The following NALCN variants were observed in gnomAD, a reference collection of about 807,000 sequenced individuals.
The protein encoded by NALCN is sodium leak channel NALCN.
In NALCN, 111 loss-of-function variants were observed where a neutral mutation model predicts 225.3. That is an observed-to-expected ratio of 0.49 (90% CI 0.42 to 0.58). The LOEUF (loss-of-function observed/expected upper bound fraction) is 0.58, where lower values mean the gene tolerates loss of function less well. Among genes scored for constraint, NALCN ranks in the 20% least tolerant of loss-of-function variants. NALCN has a pLI of 0.00. For missense variants in NALCN, 1,378 were observed against 2,202.4 expected, an observed-to-expected ratio of 0.63 and a Z score of 7.49; for synonymous variants, 764 against 769.0, an observed-to-expected ratio of 0.99 and a Z score of 0.11.
intron 10 of NALCN, among the ~76,000 whole-genome samples, chr13:101,280,752 T>A (rs1381924377): frequency 1.3e-5 from 2 of 152,174 alleles, no homozygotes; most frequent in Non-Finnish European, 2.9e-5. Context: ...TTGAATGTAA[T>A]TCACATCCCT....
chr13:101,148,498 G>T (rs912303682), intron 15 of NALCN, among the ~76,000 whole-genome samples: 3 of 152,130 alleles, frequency 2.0e-5, no homozygotes, highest in African/African-American at 7.2e-5. Context: ...TCCAAAGATG[G>T]TCTCATTCTG....
At chr13:101,133,171 A>G (rs558540289) in intron 17 of NALCN, among the ~76,000 whole-genome samples, 45 of 152,348 alleles carry the variant, frequency 3.0e-4, no homozygotes, top group Middle Eastern at 3.4e-3. Context: ...CAATGCTTAG[A>G]CCTAAAGAAC....
intron 11 of NALCN, among the ~76,000 whole-genome samples, chr13:101,252,780 G>A (rs1037069033): frequency 6.6e-6 from 1 of 152,148 alleles, no homozygotes; most frequent in African/African-American, 2.4e-5. Flanking sequence ...AACATAGCTG[G>A]GGATAATGCT....
At chr13:101,268,758 A>T (rs1315977869) in intron 10 of NALCN, among the ~76,000 whole-genome samples, 1 of 152,226 alleles carries the variant, frequency 6.6e-6, no homozygotes, top group Admixed American at 6.5e-5. Context: ...CAATAAAATC[A>T]TCTGTCTTGA....
intron 17 of NALCN, among the ~76,000 whole-genome samples, chr13:101,134,575 T>TAAAATATATA (rs1199361687): frequency 3.3e-5 from 5 of 152,344 alleles, no homozygotes; most frequent in African/African-American, 1.2e-4. Flanking sequence ...TTAATGTAGT[T>TAAAATATATA]AGTCCTTGAA....
intron 35 of NALCN, 71 bp downstream of exon 35, chr13:101,075,802 A>G: frequency 7.6e-7 from 1 of 1,324,256 alleles, no homozygotes; most frequent in Non-Finnish European, 1.1e-6. Context: ...TAAGGCTGTA[A>G]TCAATTAATC....
intron 6 of NALCN, among the ~76,000 whole-genome samples, chr13:101,354,995 G>A (rs2046009738): frequency 6.6e-6 from 1 of 152,184 alleles, no homozygotes; most frequent in Non-Finnish European, 1.5e-5. Flanking sequence ...CAACTCCTAG[G>A]TGATCAATGA....
intron 1 of NALCN, among the ~76,000 whole-genome samples, chr13:101,400,075 A>C (rs1408036336): frequency 6.6e-6 from 1 of 152,168 alleles, no homozygotes; most frequent in Non-Finnish European, 1.5e-5. Flanking sequence ...GTGAGGAACT[A>C]ACAGCTATGG....
intron 15 of NALCN, among the ~76,000 whole-genome samples, chr13:101,170,827 G>A (rs767656541): frequency 1.3e-5 from 2 of 152,064 alleles, no homozygotes; most frequent in African/African-American, 4.8e-5. Flanking sequence ...TTCCCTTTTC[G>A]ATGATTCCTC....
chr13:101,384,524 C>G (rs1260082983), intron 3 of NALCN, among the ~76,000 whole-genome samples: 1 of 152,094 alleles, frequency 6.6e-6, no homozygotes, highest in African/African-American at 2.4e-5. Context: ...TTCATGAGAA[C>G]AGGATTTATT....
At chr13:101,195,493 T>C (rs1038698132) in intron 13 of NALCN, among the ~76,000 whole-genome samples, 26 of 152,358 alleles carry the variant, frequency 1.7e-4, no homozygotes, top group Admixed American at 4.6e-4. Context: ...TTTTATGCAG[T>C]AGTTTGACAC....
At chr13:101,129,692 T>C (rs1374591881) in intron 17 of NALCN, among the ~76,000 whole-genome samples, 1 of 150,238 alleles carries the variant, frequency 6.7e-6, no homozygotes, top group Non-Finnish European at 1.5e-5. Context: ...TCTGATGTTT[T>C]CAATTTAAAT....
At chr13:101,337,547 A>G (rs1191992612) in intron 7 of NALCN, among the ~76,000 whole-genome samples, 1 of 152,130 alleles carries the variant, frequency 6.6e-6, no homozygotes, top group Admixed American at 6.5e-5. Context: ...ACCTCAGGTG[A>G]TCTGCCTGCC....
intron 15 of NALCN, among the ~76,000 whole-genome samples, chr13:101,158,123 G>A (rs1485981601): frequency 6.6e-6 from 1 of 152,132 alleles, no homozygotes; most frequent in African/African-American, 2.4e-5. Flanking sequence ...AGAGTTAGGA[G>A]CAGAAGGTAT....
Position 101,062,070 on chromosome 13 carries a change from C to T in NALCN, c.4653G>A (p.Glu1551=), listed in dbSNP as rs1397864665. The T allele has an allele frequency of 2.2e-5, 35 of 1,614,042 alleles. No individual in the cohort carries two copies. Among genetic ancestry groups the T allele is most frequent in the Non-Finnish European group, 2.8e-5 (33 of 1,180,016 alleles). ...SVDIRKSLQL[E]ELLAREQLEY... ...CCAGCTGCTCCCTCGCCAGGAGTTC[C>T]TCCAGCTGCAAGCTCTTCCGGATGT... The change falls in exon 41 of 44, where the codon GAG becomes GAA. Residue 1551 remains glutamate (E), a synonymous_variant. Transcript: ENST00000251127.
intron 3 of NALCN, among the ~76,000 whole-genome samples, chr13:101,380,522 T>C (rs528740160): frequency 2.2e-4 from 33 of 152,266 alleles, no homozygotes; most frequent in African/African-American, 7.5e-4. Flanking sequence ...TCTGTAATCA[T>C]CCATGTAAGT....
In NALCN at chr13:101,339,840, G is replaced by A. The variant is rs904171267; in HGVS notation, c.799+5426C>T. On this transcript the variant is annotated intron_variant, in intron 7 of 43. Coordinates refer to ENST00000251127, the MANE Select transcript of NALCN (RefSeq NM_052867.4). Reference sequence around the variant, plus strand: ...TACAAGCACAGAAGTCAGGACATTTGTGAGAGGGGAGGGGAATAATTGATG... The same window carrying A: ...TACAAGCACAGAAGTCAGGACATTTATGAGAGGGGAGGGGAATAATTGATG... 3.9e-5 allele frequency among the ~76,000 whole-genome samples: 6 copies of A among 152,328 alleles called. No individual in the cohort carries two copies. The East Asian group carries it at 1.2e-3, about 29-fold the overall frequency.
chr13:101,209,081 T>G (rs573295642), intron 13 of NALCN, among the ~76,000 whole-genome samples: 1 of 152,308 alleles, frequency 6.6e-6, no homozygotes, highest in Admixed American at 6.5e-5. Context: ...CACTGCTTCT[T>G]TTTTATAACG....
At chr13:101,147,790 G>A (rs562039910) in intron 15 of NALCN, among the ~76,000 whole-genome samples, 69 of 151,868 alleles carry the variant, frequency 4.5e-4, no homozygotes, top group South Asian at 2.1e-3. Context: ...TCCCCACACC[G>A]GGTTCCAGTC....
Sources: gnomAD v4.1 joint callset for allele counts (sites outside exome capture counted in the v4.1 genomes callset) on GRCh38, gnomAD v4.1.1 for gene constraint, MANE v1.5 for transcripts, NCBI Gene and HGNC (gene_info 2026-07-23, HGNC 2026-07-21) for gene names.